The following CFTR variants were observed in gnomAD, a reference collection of about 807,000 sequenced individuals.
CFTR encodes cystic fibrosis transmembrane conductance regulator.
CFTR carries 181 observed loss-of-function variants against 171.6 expected under a neutral mutation model. That is an observed-to-expected ratio of 1.05 (90% CI 0.93 to 1.19). CFTR has a LOEUF of 1.19. Ranked by LOEUF, CFTR falls within the 50% of genes most tolerant of loss-of-function variation. The pLI, the probability that CFTR is intolerant of heterozygous loss-of-function variation, is 0.00. For synonymous variants in CFTR, 583 were observed against 608.0 expected (o/e 0.96, Z 0.60); for missense variants, 1,968 against 1,734.7 (o/e 1.13, Z -2.39).
chr7:117,636,930 C>T (rs1792835609), intron 22 of CFTR, among the ~76,000 whole-genome samples: 1 of 151,584 alleles, frequency 6.6e-6, no homozygotes, highest in Non-Finnish European at 1.5e-5. Flanking sequence ...TGATTCTCCT[C>T]CTCAGCCTCC....
intron 9 of CFTR, among the ~76,000 whole-genome samples, chr7:117,544,170 G>A (rs1222520137): frequency 6.6e-6 from 1 of 152,016 alleles, no homozygotes; most frequent in African/African-American, 2.4e-5. Context: ...TTTCCTTTTG[G>A]TGATTTTTCT....
chr7:117,549,565 C>T (rs529555732), intron 10 of CFTR, among the ~76,000 whole-genome samples: 1 of 152,202 alleles, frequency 6.6e-6, no homozygotes, highest in Admixed American at 6.5e-5. Flanking sequence ...AATTTAAAGA[C>T]ATGAAAGAAT....
At chr7:117,613,219 CAATT>C (rs889042399) in intron 20 of CFTR, among the ~76,000 whole-genome samples, 8 of 152,138 alleles carry the variant, frequency 5.3e-5, no homozygotes, top group African/African-American at 1.9e-4. Flanking sequence ...GATTTGTTAA[CAATT>C]AATTCAAACC....
At chr7:117,508,910 C>G in intron 2 of CFTR, 124 bp from the exon 3 acceptor site, 4 of 721,606 alleles carry the variant, frequency 5.5e-6, no homozygotes, top group Admixed American at 2.1e-5. Flanking sequence ...GAGATTTTGT[C>G]TCTATAATAC....
chr7:117,647,860 T>A (rs1211992324), intron 23 of CFTR, among the ~76,000 whole-genome samples: 1 of 151,534 alleles, frequency 6.6e-6, no homozygotes, highest in Non-Finnish European at 1.5e-5. Context: ...AAACTTAGGA[T>A]CTTGATTTGT....
chr7:117,555,332 T>C (rs1799334095), intron 10 of CFTR, among the ~76,000 whole-genome samples: 1 of 152,160 alleles, frequency 6.6e-6, no homozygotes, highest in Admixed American at 6.5e-5. Flanking sequence ...AAATGTAGTA[T>C]TAAACCATAA....
intron 4 of CFTR, among the ~76,000 whole-genome samples, chr7:117,533,252 G>T (rs1798891789): frequency 6.6e-6 from 1 of 151,888 alleles, no homozygotes; most frequent in African/African-American, 2.4e-5. Flanking sequence ...TAATGTTTTG[G>T]AATTAACTGC....
chr7:117,656,482 A>AC (rs1387072942), intron 24 of CFTR, among the ~76,000 whole-genome samples: 1 of 152,180 alleles, frequency 6.6e-6, no homozygotes, highest in Non-Finnish European at 1.5e-5. Flanking sequence ...ATTAACTAAA[A>AC]TGGAATAAAA....
intron 11 of CFTR, among the ~76,000 whole-genome samples, chr7:117,562,709 C>T (rs1339302687): frequency 6.6e-6 from 1 of 152,090 alleles, no homozygotes. Flanking sequence ...GGAAAGAGAC[C>T]ATTTCAATAT....
At chr7:117,497,331 T>C (rs965015569) in intron 1 of CFTR, among the ~76,000 whole-genome samples, 2 of 152,178 alleles carry the variant, frequency 1.3e-5, no homozygotes, top group African/African-American at 4.8e-5. Context: ...TCATTATTGT[T>C]ATAATCCCAA....
rs201759207 is a variant in CFTR at position 117,603,644 on chromosome 7, G to A, written c.2770G>A (p.Asp924Asn). The A allele has an allele frequency of 1.4e-4, 227 of 1,613,916 alleles. No homozygotes were observed. Among genetic ancestry groups the A allele is most frequent in the Non-Finnish European group, 1.8e-4 (211 of 1,179,948 alleles). Residue 924 changes from aspartate to asparagine, a missense_variant, in exon 17 of 27, where the codon GAC (aspartate) becomes AAC (asparagine). Asp to Asn is a conservative substitution (Grantham distance 23, BLOSUM62 1). Coordinates refer to ENST00000003084, the MANE Select transcript of CFTR (RefSeq NM_000492.4). ...GTTTTACATTTACGTGGGAGTAGCC[G>A]ACACTTTGCTTGCTATGGGATTCTT... is the stretch of plus-strand genomic sequence containing the variant. ...YVFYIYVGVA[D>N]TLLAMGFFRG...
intron 12 of CFTR, among the ~76,000 whole-genome samples, chr7:117,589,507 T>A (rs1188134404): frequency 1.3e-5 from 2 of 151,990 alleles, no homozygotes; most frequent in African/African-American, 4.8e-5. Flanking sequence ...AAAATTTAAA[T>A]GTTATGAAGA....
chr7:117,661,431 T>A (rs1793279900), intron 24 of CFTR, among the ~76,000 whole-genome samples: 1 of 152,226 alleles, frequency 6.6e-6, no homozygotes, highest in African/African-American at 2.4e-5. Flanking sequence ...CTCAGCTCTT[T>A]GCCACAAGTG....
intron 10 of CFTR, among the ~76,000 whole-genome samples, chr7:117,551,620 A>C (rs1163423036): frequency 6.6e-6 from 1 of 152,198 alleles, no homozygotes; most frequent in Non-Finnish European, 1.5e-5. Context: ...ATATTATAGA[A>C]ATTTAACTGA....
rs34942345 is a variant in CFTR at position 117,525,122 on chromosome 7, C to A, written c.274-5777C>A. ...GAGGTTGGCAATTTTCTTTTTAGCACCTGCCTGTCTGCTATCATTCAAACT... is the reference window on the plus strand; with the variant it reads ...GAGGTTGGCAATTTTCTTTTTAGCAACTGCCTGTCTGCTATCATTCAAACT... On this transcript the variant is annotated intron_variant, in intron 3 of 26. Transcript: ENST00000003084. 5.5e-3 allele frequency among the ~76,000 whole-genome samples: 838 copies of A among 152,238 alleles called. 24 individuals carry two copies. The highest frequency in any genetic ancestry group is 0.021 in the East Asian group (109 of 5,186).
intron 15 of CFTR, among the ~76,000 whole-genome samples, chr7:117,596,341 G>A (rs895908407): frequency 6.6e-5 from 10 of 152,212 alleles, no homozygotes; most frequent in Admixed American, 2.0e-4. Context: ...GCCTCCCTGC[G>A]GGGCAGGGCT....
intron 8 of CFTR, among the ~76,000 whole-genome samples, chr7:117,541,000 A>G (rs1174926623): frequency 6.6e-6 from 1 of 152,174 alleles, no homozygotes; most frequent in African/African-American, 2.4e-5. Context: ...GAATTGGAAT[A>G]ACTAGTCAAC....
chr7:117,566,558 A>G (rs1163873978), intron 11 of CFTR, among the ~76,000 whole-genome samples: 1 of 152,122 alleles, frequency 6.6e-6, no homozygotes, highest in Non-Finnish European at 1.5e-5. Flanking sequence ...ATTAAGCTTC[A>G]AAGTACTGAC....
rs397508508 is a variant in CFTR, at chr7:117,611,581, G to T, written c.3140G>T (p.Gly1047Val). 2 of 1,575,232 alleles carry T rather than the reference G, an allele frequency of 1.3e-6. No homozygotes were observed. Among genetic ancestry groups the T allele is most frequent in the South Asian group, 1.1e-5 (1 of 90,150 alleles). ...SQQLKQLESE[G>V]RSPIFTHLVT... ...TGTTTTCTATGGAAATATTTCACAG[G>T]CAGGAGTCCAATTTTCACTCATCTT... The change falls in exon 20 of 27, where the codon GGC (glycine) becomes GTC (valine). Residue 1047 changes from glycine to valine, a missense_variant and splice_region_variant. Coordinates refer to ENST00000003084, the MANE Select transcript of CFTR (RefSeq NM_000492.4).
Sources: allele counts gnomAD v4.1 joint callset (sites outside exome capture counted in the v4.1 genomes callset), GRCh38; gene constraint gnomAD v4.1.1; transcripts MANE v1.5; gene names NCBI Gene and HGNC (gene_info 2026-07-23, HGNC 2026-07-21).